The following KIF6 variants were observed in gnomAD, a reference collection of about 807,000 sequenced individuals.
The protein encoded by KIF6 is kinesin family member 6.
A neutral mutation model predicts 112.7 loss-of-function variants in KIF6; 106 were observed. The observed-to-expected ratio is 0.94, with a 90% CI of 0.80 to 1.11. The LOEUF (loss-of-function observed/expected upper bound fraction) is 1.11, where lower values mean the gene tolerates loss of function less well. KIF6 is among the 50% of genes least tolerant of loss of function. The pLI, the probability that KIF6 is intolerant of heterozygous loss-of-function variation, is 0.00. For missense variants in KIF6, 929 were observed against 964.0 expected (o/e 0.96, Z 0.48); for synonymous variants, 339 against 339.9 (o/e 1.00, Z 0.03).
chr6:39,714,547 C>T lies in KIF6; in HGVS notation c.251+145G>A, dbSNP rs559848899. ...AATCTAAAACAAATGGTTATAGGAA[C>T]AGAAGGTATTAATGCCATCATCATT... On this transcript the variant is annotated intron_variant, in intron 3 of 22. Coordinates refer to ENST00000287152, the MANE Select transcript of KIF6 (RefSeq NM_145027.6). 1.4e-4 allele frequency: 87 copies of T among 606,120 alleles called. 2 individuals carry two copies. The South Asian group carries it at 1.7e-3, about 12-fold the overall frequency. 37.5% of individuals were successfully genotyped at this position (606,120 alleles called of 1,614,324 possible).
intron 3 of KIF6, among the ~76,000 whole-genome samples, chr6:39,703,280 C>T (rs1461810319): frequency 6.6e-6 from 1 of 150,658 alleles, no homozygotes; most frequent in East Asian, 1.9e-4. Flanking sequence ...GAATGAAACA[C>T]ATAAATGCTG....
intron 9 of KIF6, chr6:39,583,494 A>G (rs201568598): frequency 9.8e-5 from 46 of 471,488 alleles, no homozygotes; most frequent in Admixed American, 5.2e-4. Flanking sequence ...GGCAAGAAGA[A>G]CATAACAGAC....
chr6:39,633,196 A>C (rs1784444616), intron 5 of KIF6, among the ~76,000 whole-genome samples: 1 of 152,108 alleles, frequency 6.6e-6, no homozygotes, highest in Admixed American at 6.6e-5. Flanking sequence ...TGTGAAGCAG[A>C]CGTTTTGAAA....
At chr6:39,562,903 T>TTAAATTAAA in intron 10 of KIF6, among the ~76,000 whole-genome samples, 1 of 152,194 alleles carries the variant, frequency 6.6e-6, no homozygotes, top group Non-Finnish European at 1.5e-5. Flanking sequence ...TTTTGCCTGA[T>TTAAATTAAA]CATAAAGTAA....
intron 4 of KIF6, among the ~76,000 whole-genome samples, chr6:39,636,075 T>C (rs1181826117): frequency 6.6e-6 from 1 of 151,870 alleles, no homozygotes; most frequent in East Asian, 1.9e-4. Context: ...TAGTGGCCCA[T>C]AAATAAAAAG....
At chr6:39,454,412 C>T (rs1482465554) in intron 13 of KIF6, among the ~76,000 whole-genome samples, 1 of 151,450 alleles carries the variant, frequency 6.6e-6, no homozygotes, top group Non-Finnish European at 1.5e-5. Context: ...GATAATAGCT[C>T]TGCATTTTCC....
chr6:39,526,989 G>A (rs1777775739), intron 13 of KIF6, among the ~76,000 whole-genome samples: 1 of 152,158 alleles, frequency 6.6e-6, no homozygotes, highest in Admixed American at 6.5e-5. Flanking sequence ...TTCTCTGGTT[G>A]CTTTATGAGT....
chr6:39,724,010 G>T (rs1790382823), intron 1 of KIF6, among the ~76,000 whole-genome samples: 1 of 152,156 alleles, frequency 6.6e-6, no homozygotes, highest in Non-Finnish European at 1.5e-5. Flanking sequence ...TCTGTAAAAT[G>T]CGGAAAATGA....
At chr6:39,562,288 C>T (rs560917258) in intron 10 of KIF6, among the ~76,000 whole-genome samples, 5 of 152,252 alleles carry the variant, frequency 3.3e-5, no homozygotes, top group Admixed American at 2.0e-4. Flanking sequence ...CTTTATGGAC[C>T]TATTCTCTGT....
intron 15 of KIF6, among the ~76,000 whole-genome samples, chr6:39,400,826 T>A (rs1768645808): frequency 6.6e-6 from 1 of 152,254 alleles, no homozygotes; most frequent in Non-Finnish European, 1.5e-5. Flanking sequence ...ATGCAGTTTT[T>A]GGTGAGAAGT....
chr6:39,669,848 C>T (rs1259836055), intron 3 of KIF6, among the ~76,000 whole-genome samples: 2 of 152,198 alleles, frequency 1.3e-5, no homozygotes, highest in African/African-American at 2.4e-5. Flanking sequence ...TGGGCTTGGA[C>T]TCCAGCATAC....
intron 13 of KIF6, among the ~76,000 whole-genome samples, chr6:39,534,699 G>C (rs935458132): frequency 5.9e-5 from 9 of 151,500 alleles, no homozygotes; most frequent in Admixed American, 5.3e-4. Flanking sequence ...TCAGATTCAG[G>C]AAATACAGAG....
At chr6:39,709,053 A>C (rs1420604741) in intron 3 of KIF6, among the ~76,000 whole-genome samples, 1 of 152,204 alleles carries the variant, frequency 6.6e-6, no homozygotes, top group Non-Finnish European at 1.5e-5. Flanking sequence ...TTACTAATCA[A>C]CCCAAATAGA....
At chr6:39,564,628 T>C (rs2150603820) in intron 10 of KIF6, among the ~76,000 whole-genome samples, 1 of 152,276 alleles carries the variant, frequency 6.6e-6, no homozygotes, top group African/African-American at 2.4e-5. Flanking sequence ...AAGCTAGGGT[T>C]AATATGAAGA....
chr6:39,560,112 G>C (rs1779933377), intron 10 of KIF6, among the ~76,000 whole-genome samples: 1 of 152,194 alleles, frequency 6.6e-6, no homozygotes. Flanking sequence ...GCTGACCGGT[G>C]GGTGCTCACT....
In KIF6 at chr6:39,464,311, G is replaced by A. The variant is rs115349210; in HGVS notation, c.1646-33150C>T. On this transcript the variant is annotated intron_variant, in intron 13 of 22. Coordinates refer to ENST00000287152, the MANE Select transcript of KIF6 (RefSeq NM_145027.6). ...GACCATCTGCATTTTCAGCCTAAAC[G>A]AAAACATATTTATTTTGGCTGCTAA... 2.3e-3 allele frequency among the ~76,000 whole-genome samples: 344 copies of A among 152,276 alleles called. 2 individuals are homozygous for A. The highest frequency in any genetic ancestry group is 5.8e-3 in the African/African-American group (240 of 41,556).
rs967910444 is a variant in KIF6, at chr6:39,342,945, G to C, written c.2428+764C>G. ...CTGCCAGCCCATACCATCACGGTGG[G>C]GGCGCCTTTCTGGCAATGTGAAGGC... is the stretch of plus-strand genomic sequence containing the variant. On this transcript the variant is annotated intron_variant, in intron 22 of 22. Coordinates refer to ENST00000287152, the MANE Select transcript of KIF6 (RefSeq NM_145027.6). The surrounding 1 kb of genome is among the most constrained non-coding windows in gnomAD (Gnocchi z 4.7). The C allele has an allele frequency of 1.0e-6, 1 of 985,428 alleles. No individual in the cohort carries two copies. Among genetic ancestry groups the C allele is most frequent in the African/African-American group, 1.7e-5 (1 of 57,340 alleles). The allele number at this position is 985,428 out of a possible 1,614,324, so 61.0% of individuals were successfully genotyped here.
At chr6:39,537,369 G>T (rs201683488) in intron 13 of KIF6, among the ~76,000 whole-genome samples, 6,289 of 151,782 alleles carry the variant, frequency 0.041, 291 homozygotes, top group East Asian at 0.26. Flanking sequence ...TCAGCAAAGT[G>T]TTAGGATACA....
At chr6:39,371,833 T>C (rs1272035355) in intron 16 of KIF6, among the ~76,000 whole-genome samples, 1 of 151,990 alleles carries the variant, frequency 6.6e-6, no homozygotes, top group Non-Finnish European at 1.5e-5. Context: ...TGGTGAGGGA[T>C]CTCCAGAGAC....
Sources: allele counts gnomAD v4.1 joint callset (sites outside exome capture counted in the v4.1 genomes callset), GRCh38; gene constraint gnomAD v4.1.1; non-coding constraint Gnocchi (gnomAD v3.1); transcripts MANE v1.5; gene names NCBI Gene and HGNC (gene_info 2026-07-23, HGNC 2026-07-21).